NEGR1: variants seen among roughly 807,000 people sequenced by gnomAD.
The protein encoded by NEGR1 is IgLON family member 4.
A neutral mutation model predicts 40.9 loss-of-function variants in NEGR1; 10 were observed. That is an observed-to-expected ratio of 0.24 (90% CI 0.15 to 0.42). NEGR1 has a LOEUF of 0.42. Ranked by LOEUF, NEGR1 falls within the 10% of genes least tolerant of loss-of-function variation. The pLI is 1.00. For missense variants in NEGR1, 352 were observed against 438.9 expected (o/e 0.80, Z 1.77); for synonymous variants, 185 against 166.8 (o/e 1.11, Z -0.84).
At chr1:71,683,445 C>T (rs1281256923) in intron 4 of NEGR1, among the ~76,000 whole-genome samples, 4 of 152,076 alleles carry the variant, frequency 2.6e-5, no homozygotes, top group Non-Finnish European at 5.9e-5. Context: ...TCAGAACTTA[C>T]ATTTTTCCTC....
chr1:71,906,492 A>C (rs1393559520), intron 2 of NEGR1, among the ~76,000 whole-genome samples: 1 of 150,916 alleles, frequency 6.6e-6, no homozygotes, highest in East Asian at 1.9e-4. Flanking sequence ...AAAAAAAAAA[A>C]GTTGAGATCT....
chr1:71,858,891 A>G lies in NEGR1; in HGVS notation c.409+76188T>C, dbSNP rs145137402. On this transcript the variant is annotated intron_variant, in intron 2 of 6. Coordinates refer to ENST00000357731, the MANE Select transcript of NEGR1 (RefSeq NM_173808.3). ...TTAAAACCAAAAATTGTACCTAAATATAGCATTCCCCACCAATGCTGCTCC... is the reference window on the plus strand; with the variant it reads ...TTAAAACCAAAAATTGTACCTAAATGTAGCATTCCCCACCAATGCTGCTCC... Among the ~76,000 whole-genome samples, 1,121 of 152,130 alleles carry G rather than the reference A, an allele frequency of 7.4e-3. 11 individuals are homozygous for G. Among genetic ancestry groups the G allele is most frequent in the African/African-American group, 0.026 (1,067 of 41,532 alleles).
At chr1:71,633,134 ACT>A (rs1385817731) in intron 4 of NEGR1, among the ~76,000 whole-genome samples, 2 of 152,100 alleles carry the variant, frequency 1.3e-5, no homozygotes, top group African/African-American at 4.8e-5. Flanking sequence ...AATATGTAAC[ACT>A]CTCAGTTTTT....
At chr1:71,641,738 T>C (rs1651360459) in intron 4 of NEGR1, among the ~76,000 whole-genome samples, 1 of 152,032 alleles carries the variant, frequency 6.6e-6, no homozygotes, top group African/African-American at 2.4e-5. Context: ...ACACACTACC[T>C]AGCACAGACT....
chr1:71,913,442 T>C (rs1304075893), intron 2 of NEGR1, among the ~76,000 whole-genome samples: 1 of 152,130 alleles, frequency 6.6e-6, no homozygotes, highest in East Asian at 1.9e-4. Context: ...ACATTACATT[T>C]CTACCCTTAC....
At chr1:72,112,444 C>G (rs1177355419) in intron 1 of NEGR1, among the ~76,000 whole-genome samples, 1 of 151,206 alleles carries the variant, frequency 6.6e-6, no homozygotes, top group African/African-American at 2.4e-5. Context: ...TTATAATATC[C>G]TACTTTTTCT....
intron 3 of NEGR1, among the ~76,000 whole-genome samples, chr1:71,702,517 G>A (rs1006136349): frequency 6.6e-6 from 1 of 151,936 alleles, no homozygotes; most frequent in African/African-American, 2.4e-5. Flanking sequence ...TCCATGTAAA[G>A]AATTTGGATT....
At chr1:71,474,704 C>T (rs1224469013) in intron 6 of NEGR1, among the ~76,000 whole-genome samples, 27 of 105,036 alleles carry the variant, frequency 2.6e-4, no homozygotes, top group Admixed American at 1.5e-3. Context: ...GGTGGTGGAG[C>T]GAGACTCTAT....
At chr1:72,127,045 A>C (rs1279843155) in intron 1 of NEGR1, among the ~76,000 whole-genome samples, 1 of 152,198 alleles carries the variant, frequency 6.6e-6, no homozygotes, top group East Asian at 1.9e-4. Context: ...AAATATAAGG[A>C]CAAAAGCTGT....
chr1:72,191,629 C>A (rs2100429856), intron 1 of NEGR1, among the ~76,000 whole-genome samples: 1 of 151,888 alleles, frequency 6.6e-6, no homozygotes, highest in South Asian at 2.1e-4. Flanking sequence ...TCTAGAATCC[C>A]TTTTTCTCTC....
chr1:71,870,259 C>A (rs541017190), intron 2 of NEGR1, among the ~76,000 whole-genome samples: 1 of 152,224 alleles, frequency 6.6e-6, no homozygotes, highest in African/African-American at 2.4e-5. Flanking sequence ...TTGCTTTAAA[C>A]ATTTTCAGAT....
At chr1:72,128,718 C>T (rs949446431) in intron 1 of NEGR1, among the ~76,000 whole-genome samples, 11 of 152,100 alleles carry the variant, frequency 7.2e-5, no homozygotes, top group African/African-American at 2.4e-5. Context: ...CCAAGGGGTG[C>T]CCAAATATTT....
Position 72,164,001 on chromosome 1 carries a change from C to T in NEGR1, c.176+118318G>A, listed in dbSNP as rs1001602165. ...GTATAAACTAATTTTAGCTTGCATA[C>T]ATCTTCAGACAAGTATTTTTTTTTT... is the stretch of plus-strand genomic sequence containing the variant. On this transcript the variant is annotated intron_variant, in intron 1 of 6. Coordinates refer to ENST00000357731, the MANE Select transcript of NEGR1 (RefSeq NM_173808.3). Among the ~76,000 whole-genome samples the T allele has an allele frequency of 2.0e-5, 3 of 150,040 alleles. No individual in the cohort carries two copies. The Admixed American group carries it at 2.0e-4, about 10-fold the overall frequency.
At chr1:71,611,703 G>C (rs947551132) in intron 4 of NEGR1, among the ~76,000 whole-genome samples, 21 of 152,144 alleles carry the variant, frequency 1.4e-4, no homozygotes, top group Non-Finnish European at 2.9e-5. Flanking sequence ...GAAATATTCT[G>C]TGTTTTTTCC....
At chr1:72,228,250 T>A (rs1654254326) in intron 1 of NEGR1, among the ~76,000 whole-genome samples, 1 of 152,150 alleles carries the variant, frequency 6.6e-6, no homozygotes, top group Admixed American at 6.6e-5. Flanking sequence ...CAGTTTGACA[T>A]TCCCAACATG....
intron 2 of NEGR1, among the ~76,000 whole-genome samples, chr1:71,782,813 G>A (rs1469294290): frequency 1.3e-5 from 2 of 152,200 alleles, no homozygotes; most frequent in East Asian, 3.9e-4. Context: ...GATTCTCTGA[G>A]TTTAGGGATT....
At chr1:71,877,204 G>T (rs1170038912) in intron 2 of NEGR1, among the ~76,000 whole-genome samples, 1 of 152,012 alleles carries the variant, frequency 6.6e-6, no homozygotes, top group East Asian at 1.9e-4. Context: ...GCTCCATCTG[G>T]AGAAAAATCT....
rs180995587 is a variant in NEGR1 at position 71,986,016 on chromosome 1, A to G, written c.177-50705T>C. Among the ~76,000 whole-genome samples the G allele has an allele frequency of 5.8e-3, 890 of 152,338 alleles. 5 individuals carry two copies. Among genetic ancestry groups the G allele is most frequent in the Non-Finnish European group, 9.3e-3 (634 of 68,028 alleles). On this transcript the variant is annotated intron_variant, in intron 1 of 6. Transcript: ENST00000357731. ...TAACTGAGAACATATTTAAGAAAAT[A>G]CCGTTAAAGGAAAAGGAAGGAATAT... is the stretch of plus-strand genomic sequence containing the variant.
chr1:71,910,623 T>C (rs1661399003), intron 2 of NEGR1, among the ~76,000 whole-genome samples: 1 of 152,190 alleles, frequency 6.6e-6, no homozygotes. Flanking sequence ...TACATTTGTT[T>C]ATCTGGCAAA....
Sources: gnomAD v4.1 joint callset for allele counts (sites outside exome capture counted in the v4.1 genomes callset) on GRCh38, gnomAD v4.1.1 for gene constraint, MANE v1.5 for transcripts, NCBI Gene and HGNC (gene_info 2026-07-23, HGNC 2026-07-21) for gene names.